The following KRT76 variants were observed in gnomAD, a reference collection of about 807,000 sequenced individuals.
KRT76 encodes keratin 76, also known as keratin, type II cytoskeletal 2 oral.
Under a neutral mutation model 44.9 loss-of-function variants are expected in KRT76, and 47 were observed. The observed-to-expected ratio is 1.05, with a 90% CI of 0.83 to 1.33. KRT76 has a LOEUF of 1.33. Among genes scored for constraint, KRT76 ranks in the 40% most tolerant of loss-of-function variants. The pLI is 0.00. For missense variants in KRT76, 860 were observed against 775.8 expected, an observed-to-expected ratio of 1.11 and a Z score of -1.29; for synonymous variants, 331 against 294.1, an observed-to-expected ratio of 1.13 and a Z score of -1.28.
chr12:52,769,630 A>T, intron 7 of KRT76, 47 bp from the exon 8 acceptor site: 1 of 1,569,662 alleles, frequency 6.4e-7, no homozygotes, highest in Non-Finnish European at 8.8e-7. Flanking sequence ...TGAGTCAATA[A>T]CCAAAGAGTT....
intron 4 of KRT76, 114 bp downstream of exon 4, chr12:52,772,668 AG>A: frequency 1.3e-6 from 1 of 763,208 alleles, no homozygotes; most frequent in Non-Finnish European, 2.3e-6. Context: ...GGTGGAGCTG[AG>A]TCCTGAGCCC....
At chr12:52,771,336 T>C (rs570386565) in intron 6 of KRT76, 117 bp from the exon 7 acceptor site, 5 of 979,662 alleles carry the variant, frequency 5.1e-6, no homozygotes, top group South Asian at 3.1e-5. Context: ...GAAATCCCAA[T>C]GGAGCATGCT....
Position 52,772,844 on chromosome 12 carries a change from A to C in KRT76, c.911T>G (p.Leu304Arg). ...VDAAFMNKVE[L>R]QAKVDSLTDE... is the part of the protein sequence containing the mutation. ...TGTCAGGCTGTCCACTTTGGCCTGC[A>C]GCTCCACCTTGTTCATGAAAGCCGC... is the stretch of plus-strand genomic sequence containing the variant. The change falls in exon 4 of 9, where the codon CTG (leucine) becomes CGG (arginine). Residue 304 changes from leucine (L) to arginine (R), a missense_variant. By Grantham distance (102) the Leu-to-Arg change is moderately radical. Coordinates refer to ENST00000332411, the MANE Select transcript of KRT76 (RefSeq NM_015848.4). 6.2e-7 allele frequency: 1 copy of C among 1,614,194 alleles called. No individual in the cohort carries two copies. Among genetic ancestry groups the C allele is most frequent in the Non-Finnish European group, 8.5e-7 (1 of 1,180,018 alleles).
intron 3 of KRT76, among the ~76,000 whole-genome samples, chr12:52,773,123 T>G (rs1487864237): frequency 6.6e-6 from 1 of 152,210 alleles, no homozygotes; most frequent in East Asian, 1.9e-4. Context: ...CATCTGATTT[T>G]AGGGTAGAAA....
In KRT76 at chr12:52,768,816, A is replaced by T. The variant is rs779597862; in HGVS notation, c.1814T>A (p.Ile605Asn). 1 of 1,613,958 alleles carries T rather than the reference A, an allele frequency of 6.2e-7. No individual in the cohort carries two copies. Among genetic ancestry groups the T allele is most frequent in the South Asian group, 1.1e-5 (1 of 91,088 alleles). The change falls in exon 9 of 9, where the codon ATC (isoleucine) becomes AAC (asparagine). Residue 605 changes from isoleucine to asparagine, a missense_variant. Transcript: ENST00000332411. ...HSGMGSSSGSIQTSGGSGYKS... is the reference protein window; with the variant it reads ...HSGMGSSSGSNQTSGGSGYKS... ...GTAGCCACTTCCTCCAGAAGTCTGG[A>T]TGCTGCCAGAGCTGGAGCCCATTCC... is the stretch of plus-strand genomic sequence containing the variant.
chr12:52,777,048 C>T lies in KRT76; in HGVS notation c.244G>A (p.Gly82Arg). The T allele has an allele frequency of 6.2e-7, 1 of 1,614,172 alleles. No homozygotes were observed. Among genetic ancestry groups the T allele is most frequent in the Non-Finnish European group, 8.5e-7 (1 of 1,179,996 alleles). The change falls in exon 1 of 9, where the codon GGG (glycine) becomes AGG (arginine). Residue 82 changes from glycine to arginine, a missense_variant. Physicochemically the swap from Gly to Arg is moderately radical, Grantham distance 125 (BLOSUM62 -2). Coordinates refer to ENST00000332411, the MANE Select transcript of KRT76 (RefSeq NM_015848.4). ...AAGCCACAGCTGCTCCGCCCTCCCCCAAAGCCTCCAGCCCGGGAGCTGCCA... is the reference window on the plus strand; with the variant it reads ...AAGCCACAGCTGCTCCGCCCTCCCCTAAAGCCTCCAGCCCGGGAGCTGCCA... Reference protein sequence around the residue: ...AAGSSRAGGFGGGRSSCGFAG... With the variant: ...AAGSSRAGGFRGGRSSCGFAG...
At position 52,777,136 on chromosome 12, in the gene KRT76, G is replaced by C; in HGVS notation, c.156C>G (p.Ser52Arg). ...GACGFRSGAG[S>R]FGSRSLYNLG... ...GGTTGTAGAGGCTGCGACTGCCAAAGCTGCCTGCTCCGCTCCTGAAGCCAC... is the reference window on the plus strand; with the variant it reads ...GGTTGTAGAGGCTGCGACTGCCAAACCTGCCTGCTCCGCTCCTGAAGCCAC... Residue 52 changes from serine (S) to arginine (R), a missense_variant, in exon 1 of 9, where the codon AGC (serine) becomes AGG (arginine). Coordinates refer to ENST00000332411, the MANE Select transcript of KRT76 (RefSeq NM_015848.4). The C allele has an allele frequency of 1.9e-6, 3 of 1,614,202 alleles. No individual in the cohort carries two copies. Among genetic ancestry groups the C allele is most frequent in the Non-Finnish European group, 2.5e-6 (3 of 1,180,040 alleles).
chr12:52,775,971 A>G (rs1330702858), intron 1 of KRT76, among the ~76,000 whole-genome samples: 2 of 149,420 alleles, frequency 1.3e-5, no homozygotes, highest in Non-Finnish European at 2.9e-5. Flanking sequence ...GTCTATAGGG[A>G]TCCTTCAGAA....
Position 52,769,601 on chromosome 12 carries a change from A to G in KRT76, c.1485-18T>C. ...CAGACATCCTGAAAAGGAAGAGGAG[A>G]GGTGAATTCTTTCTGTTATGAGTCA... On this transcript the variant is annotated intron_variant, in intron 7 of 8. Transcript: ENST00000332411. The G allele has an allele frequency of 6.2e-7, 1 of 1,612,328 alleles. No individual in the cohort carries two copies. Among genetic ancestry groups the G allele is most frequent in the Non-Finnish European group, 8.5e-7 (1 of 1,178,368 alleles).
intron 3 of KRT76, among the ~76,000 whole-genome samples, chr12:52,773,299 G>A (rs1939213497): frequency 1.3e-5 from 2 of 152,150 alleles, no homozygotes; most frequent in Admixed American, 1.3e-4. Context: ...GAGTACATTT[G>A]CAGGCTGAAA....
At chr12:52,775,279 C>G (rs1939242766) in intron 2 of KRT76, 109 bp downstream of exon 2, 2 of 931,998 alleles carry the variant, frequency 2.1e-6, no homozygotes. Context: ...ATAAATCCAT[C>G]CCAGAGTATT....
chr12:52,768,437 G>A lies in KRT76; in HGVS notation c.*276C>T, dbSNP rs1183942651. ...GAGTGGGAACAGGCCAGGCTGTGAA[G>A]GCCAAAACTGGCTTGGGCTCAGGGG... is the stretch of plus-strand genomic sequence containing the variant. On this transcript the variant is annotated 3_prime_UTR_variant, in exon 9 of 9. Coordinates refer to ENST00000332411, the MANE Select transcript of KRT76 (RefSeq NM_015848.4). The A allele has an allele frequency of 2.5e-6, 1 of 406,244 alleles. No individual in the cohort carries two copies. Among genetic ancestry groups the A allele is most frequent in the Non-Finnish European group, 4.5e-6 (1 of 224,092 alleles). The allele number at this position is 406,244 out of a possible 1,614,324, so 25.2% of individuals were successfully genotyped here.
intron 2 of KRT76, 73 bp from the exon 3 acceptor site, chr12:52,773,715 A>G: frequency 7.8e-7 from 1 of 1,279,348 alleles, no homozygotes; most frequent in Non-Finnish European, 1.1e-6. Flanking sequence ...GATTCCAGGC[A>G]CTCTCCTCAC....
Position 52,771,854 on chromosome 12 carries a change from G to A in KRT76, c.1263+17C>T, listed in dbSNP as rs200447044. 1.0e-4 allele frequency: 164 copies of A among 1,611,016 alleles called. No individual in the cohort carries two copies. The highest frequency in any genetic ancestry group is 9.5e-4 in the South Asian group (86 of 90,624). On this transcript the variant is annotated intron_variant, in intron 6 of 8. Coordinates refer to ENST00000332411, the MANE Select transcript of KRT76 (RefSeq NM_015848.4). ...CCCAGAAGACCTCTGGGATCTCTCCGTTAAACCCAGCCCCACCTGCTTCTT... is the reference window on the plus strand; with the variant it reads ...CCCAGAAGACCTCTGGGATCTCTCCATTAAACCCAGCCCCACCTGCTTCTT...
intron 6 of KRT76, 76 bp downstream of exon 6, chr12:52,771,795 A>C: frequency 6.6e-7 from 1 of 1,518,296 alleles, no homozygotes; most frequent in South Asian, 1.3e-5. Flanking sequence ...AGCATGTAGC[A>C]GAGGAGCAGA....
At position 52,771,175 on chromosome 12, in the gene KRT76, T is replaced by C. The variant is rs376787887; in HGVS notation, c.1308A>G (p.Gly436=). 9.9e-6 allele frequency: 16 copies of C among 1,614,052 alleles called. No individual in the cohort carries two copies. The East Asian group carries it at 2.7e-4, about 27-fold the overall frequency. The change falls in exon 7 of 9, where the codon GGA becomes GGG. Residue 436 remains glycine, a synonymous_variant. Coordinates refer to ENST00000332411, the MANE Select transcript of KRT76 (RefSeq NM_015848.4). ...QTAIAEAEQR[G]EMALKDANAK... ...CATTGGCGTCCTTGAGGGCCATCTC[T>C]CCACGCTGCTCAGCCTCTGCAATTG...
At chr12:52,772,373 T>C in intron 4 of KRT76, 115 bp from the exon 5 acceptor site, 2 of 1,042,496 alleles carry the variant, frequency 1.9e-6, no homozygotes, top group Non-Finnish European at 2.7e-6. Flanking sequence ...GTTGGAAAAA[T>C]AAGCTCACAT....
Position 52,773,016 on chromosome 12 carries a change from A to G in KRT76, c.877-138T>C, listed in dbSNP as rs1939209829. ...TTGTGACTTCTCATCTTCCCTTTTA[A>G]AATAAGGAAGATCAAAATGGCTTTC... On this transcript the variant is annotated intron_variant, in intron 3 of 8. Transcript: ENST00000332411. The G allele has an allele frequency of 9.7e-6, 6 of 615,816 alleles. No individual in the cohort carries two copies. The East Asian group carries it at 1.7e-4, about 17-fold the overall frequency. The allele number at this position is 615,816 out of a possible 1,614,324, so 38.1% of individuals were successfully genotyped here.
At chr12:52,772,593 G>A (rs556477148) in intron 4 of KRT76, among the ~76,000 whole-genome samples, 190 bp downstream of exon 4, 107 of 152,316 alleles carry the variant, frequency 7.0e-4, no homozygotes, top group African/African-American at 2.5e-3. Context: ...AGAGCAAAAT[G>A]GCCTGAGGAC....
Sources: gnomAD v4.1 joint callset for allele counts (sites outside exome capture counted in the v4.1 genomes callset) on GRCh38, gnomAD v4.1.1 for gene constraint, MANE v1.5 for transcripts, NCBI Gene and HGNC (gene_info 2026-07-23, HGNC 2026-07-21) for gene names.